STAB2: variants seen among roughly 807,000 people sequenced by gnomAD.
STAB2 encodes the protein stabilin-2.
A neutral mutation model predicts 338.1 loss-of-function variants in STAB2; 288 were observed. The observed-to-expected ratio is 0.85, with a 90% confidence interval of 0.77 to 0.94. The LOEUF (loss-of-function observed/expected upper bound fraction) is 0.94, where lower values mean the gene tolerates loss of function less well. Among genes scored for constraint, STAB2 ranks in the 40% least tolerant of loss-of-function variants. STAB2 has a pLI of 0.00. For synonymous variants in STAB2, 1,202 were observed against 1,193.3 expected (o/e 1.01, Z -0.15); for missense variants, 3,141 against 3,210.1 (o/e 0.98, Z 0.52).
intron 64 of STAB2, 150 bp from the exon 65 acceptor site, chr12:103,758,983 C>T: frequency 7.5e-7 from 1 of 1,325,372 alleles, no homozygotes; most frequent in Non-Finnish European, 1.1e-6. Flanking sequence ...CAACCAGAAG[C>T]CTAAGAAAAC....
At chr12:103,631,428 C>G (rs1957459627) in intron 5 of STAB2, among the ~76,000 whole-genome samples, 170 bp from the exon 6 acceptor site, 1 of 104,818 alleles carries the variant, frequency 9.5e-6, no homozygotes, top group Admixed American at 1.1e-4. Context: ...CATTCCTATC[C>G]ATATGTTAAA....
At chr12:103,633,546 A>G (rs1957497707) in intron 6 of STAB2, among the ~76,000 whole-genome samples, 1 of 152,152 alleles carries the variant, frequency 6.6e-6, no homozygotes, top group Non-Finnish European at 1.5e-5. Context: ...TCCAGGCATG[A>G]TGGCGGGCGC....
intron 59 of STAB2, among the ~76,000 whole-genome samples, chr12:103,750,371 C>A (rs1312572357): frequency 1.3e-5 from 2 of 152,186 alleles, no homozygotes; most frequent in African/African-American, 4.8e-5. Context: ...CTGAGGAAGT[C>A]ACATTTGAAC....
chr12:103,660,144 C>A (rs546287515), intron 15 of STAB2, among the ~76,000 whole-genome samples, 187 bp from the exon 16 acceptor site: 1 of 152,314 alleles, frequency 6.6e-6, no homozygotes, highest in East Asian at 1.9e-4. Flanking sequence ...TTCAAAACAG[C>A]CTCTTCCACA....
intron 9 of STAB2, among the ~76,000 whole-genome samples, chr12:103,648,224 A>G (rs538860169): frequency 1.3e-5 from 2 of 152,324 alleles, no homozygotes; most frequent in South Asian, 2.1e-4. Context: ...AAGAAGTGGC[A>G]ATTGAGCAGA....
At chr12:103,640,366 C>T (rs776123728) in intron 9 of STAB2, 110 bp downstream of exon 9, 1 of 1,357,198 alleles carries the variant, frequency 7.4e-7, no homozygotes, top group East Asian at 2.3e-5. Flanking sequence ...AGCCTTGCAT[C>T]CACCCCCACC....
chr12:103,636,094 C>T (rs945197405), intron 6 of STAB2, among the ~76,000 whole-genome samples: 29 of 151,888 alleles, frequency 1.9e-4, no homozygotes, highest in Non-Finnish European at 3.2e-4. Flanking sequence ...ATGTGCACAA[C>T]GTGCAGGTTT....
chr12:103,689,257 T>A (rs1013194356), intron 28 of STAB2, among the ~76,000 whole-genome samples: 1 of 151,872 alleles, frequency 6.6e-6, no homozygotes, highest in Non-Finnish European at 1.5e-5. Context: ...CTGAGGTGGG[T>A]GGATCAGGTG....
chr12:103,676,058 C>CTTTTTTTT (rs35874368), intron 24 of STAB2, 37 bp downstream of exon 24: 27 of 669,368 alleles, frequency 4.0e-5, no homozygotes, highest in South Asian at 4.5e-5. Context: ...TGCCTGGTTT[C>CTTTTTTTT]TTTTTTTTTT....
intron 67 of STAB2, 110 bp from the exon 68 acceptor site, chr12:103,763,379 TAAA>T: frequency 1.3e-6 from 1 of 793,136 alleles, no homozygotes; most frequent in South Asian, 1.7e-5. Flanking sequence ...AAAGTACTGT[TAAA>T]AAAGGAAAAG....
intron 22 of STAB2, among the ~76,000 whole-genome samples, chr12:103,672,998 G>A (rs1875961153): frequency 6.6e-6 from 1 of 152,162 alleles, no homozygotes; most frequent in Non-Finnish European, 1.5e-5. Context: ...GGATATAAAA[G>A]TACCTACCTT....
intron 56 of STAB2, 22 bp downstream of exon 56, chr12:103,742,576 T>C: frequency 6.2e-7 from 1 of 1,613,820 alleles, no homozygotes; most frequent in Non-Finnish European, 8.5e-7. Context: ...CGCTTCTCCG[T>C]GCTAGAGCTT....
chr12:103,690,072 C>T (rs1877793385), intron 29 of STAB2, 90 bp downstream of exon 29: 3 of 1,508,660 alleles, frequency 2.0e-6, no homozygotes, highest in Non-Finnish European at 2.7e-6. Flanking sequence ...ACCACATGGT[C>T]CTTCAAATTC....
chr12:103,746,953 T>C (rs1205111345), intron 58 of STAB2, among the ~76,000 whole-genome samples: 1 of 126,256 alleles, frequency 7.9e-6, no homozygotes, highest in African/African-American at 2.6e-5. Flanking sequence ...TTCTTTCTTT[T>C]TTTTTTTTTT....
chr12:103,625,571 C>T (rs1015027632), intron 5 of STAB2, among the ~76,000 whole-genome samples: 1 of 152,122 alleles, frequency 6.6e-6, no homozygotes, highest in Non-Finnish European at 1.5e-5. Context: ...CATGTGTTCT[C>T]ATTGTTCAGT....
At chr12:103,672,443 A>T (rs1332228758) in intron 22 of STAB2, among the ~76,000 whole-genome samples, 1 of 152,206 alleles carries the variant, frequency 6.6e-6, no homozygotes, top group Non-Finnish European at 1.5e-5. Context: ...GGCTGTGCAC[A>T]GTCTCATACA....
At chr12:103,634,618 C>T (rs375700311) in intron 6 of STAB2, among the ~76,000 whole-genome samples, 96 of 152,310 alleles carry the variant, frequency 6.3e-4, no homozygotes, top group African/African-American at 1.7e-3. Context: ...TGAATCTTTT[C>T]GGTGTTTCTT....
chr12:103,648,602 C>CAAAG, intron 9 of STAB2, 88 bp from the exon 10 acceptor site: 1 of 1,523,244 alleles, frequency 6.6e-7, no homozygotes, highest in Non-Finnish European at 8.8e-7. Context: ...ATCCTTTGCT[C>CAAAG]CATCTGTTCA....
chr12:103,667,609 C>T (rs1219655793), intron 19 of STAB2, among the ~76,000 whole-genome samples: 1 of 152,132 alleles, frequency 6.6e-6, no homozygotes, highest in Non-Finnish European at 1.5e-5. Context: ...ATCACCCATC[C>T]CGGGAATCCT....
Sources: gnomAD v4.1 joint callset for allele counts (sites outside exome capture counted in the v4.1 genomes callset) on GRCh38, gnomAD v4.1.1 for gene constraint, MANE v1.5 for transcripts, NCBI Gene and HGNC (gene_info 2026-07-23, HGNC 2026-07-21) for gene names.